The following WWC2 variants were observed in gnomAD, a reference collection of about 807,000 sequenced individuals.
WWC2 encodes protein WWC2.
In WWC2, 101 loss-of-function variants were observed where a neutral mutation model predicts 138.5. The observed-to-expected ratio is 0.73, with a 90% CI of 0.62 to 0.86. WWC2 has a LOEUF of 0.86. Ranked by LOEUF, WWC2 falls within the 40% of genes least tolerant of loss-of-function variation. WWC2 has a pLI of 0.00. For synonymous variants in WWC2, 558 were observed against 538.4 expected (o/e 1.04, Z -0.50); for missense variants, 1,420 against 1,419.4 (o/e 1.00, Z -0.01).
At chr4:183,255,879 T>C (rs1440123598) in intron 9 of WWC2, among the ~76,000 whole-genome samples, 1 of 144,342 alleles carries the variant, frequency 6.9e-6, no homozygotes, top group Non-Finnish European at 1.5e-5. Context: ...TTTTTTTCCT[T>C]TTTTTTTTTT....
At chr4:183,262,780 G>A (rs1258016057) in intron 11 of WWC2, among the ~76,000 whole-genome samples, 2 of 147,906 alleles carry the variant, frequency 1.4e-5, no homozygotes, top group South Asian at 2.1e-4. Flanking sequence ...GTGTGTGTGC[G>A]TGCGTGCGTG....
Position 183,286,014 on chromosome 4 carries a change from G to A in WWC2, c.3096G>A (p.Leu1032=). 1 of 1,595,850 alleles carries A rather than the reference G, an allele frequency of 6.3e-7. No individual in the cohort carries two copies. The highest frequency in any genetic ancestry group is 8.5e-7 in the Non-Finnish European group (1 of 1,170,120). ...SDSSTLAKKS[L]FVRNSTERRS... is the part of the protein sequence containing the mutation. ...GTTCAACCCTGGCTAAAAAATCACT[G>A]TTTGTGAGAAACTCCACCGAACGCC... The change falls in exon 20 of 23, where the codon CTG becomes CTA. Residue 1032 remains leucine (L), a synonymous_variant. Coordinates refer to ENST00000403733, the MANE Select transcript of WWC2 (RefSeq NM_024949.6).
intron 21 of WWC2, among the ~76,000 whole-genome samples, chr4:183,311,375 A>G (rs1235607777): frequency 6.6e-6 from 1 of 152,146 alleles, no homozygotes; most frequent in Non-Finnish European, 1.5e-5. Context: ...CATAATGTTG[A>G]GCAAAAGAAG....
chr4:183,139,834 A>G (rs952080947), intron 1 of WWC2, among the ~76,000 whole-genome samples: 2 of 152,118 alleles, frequency 1.3e-5, no homozygotes, highest in African/African-American at 2.4e-5. Context: ...TTAAATTGAG[A>G]CAGAGTCTCA....
chr4:183,282,680 A>G (rs1401788323), intron 17 of WWC2, 28 bp from the exon 18 acceptor site: 7 of 1,553,064 alleles, frequency 4.5e-6, no homozygotes, highest in Non-Finnish European at 4.4e-6. Flanking sequence ...CTGCCTACCA[A>G]AAGTGTTTTG....
chr4:183,103,773 G>T (rs544287491), intron 1 of WWC2, among the ~76,000 whole-genome samples: 75 of 151,042 alleles, frequency 5.0e-4, no homozygotes, highest in African/African-American at 1.8e-3. Context: ...GAGTAGCTGG[G>T]ATTACAGGCA....
In WWC2 at chr4:183,248,855, G is replaced by A. The variant is rs574720107; in HGVS notation, c.874G>A (p.Gly292Arg). 233 of 1,593,444 alleles carry A rather than the reference G, an allele frequency of 1.5e-4. 1 individual carries two copies. The South Asian group carries it at 2.1e-3, about 15-fold the overall frequency. The change falls in exon 7 of 23, where the codon GGA becomes AGA. Residue 292 changes from glycine (G) to arginine (R), a missense_variant. Coordinates refer to ENST00000403733, the MANE Select transcript of WWC2 (RefSeq NM_024949.6). Reference protein sequence around the residue: ...LDAGSQTSISGDIGVRSRSNL... With the variant: ...LDAGSQTSISRDIGVRSRSNL... ...TGCTGGGTCACAAACAAGCATTTCCGGAGATGTAAGTTATCTGTGCTGAAG... is the reference window on the plus strand; with the variant it reads ...TGCTGGGTCACAAACAAGCATTTCCAGAGATGTAAGTTATCTGTGCTGAAG...
At position 183,312,419 on chromosome 4, in the gene WWC2, C is replaced by A; in HGVS notation, c.3463C>A (p.Arg1155=). 1.2e-6 allele frequency: 2 copies of A among 1,613,742 alleles called. No individual in the cohort carries two copies. The highest frequency in any genetic ancestry group is 2.2e-5 in the South Asian group (2 of 91,024). The change falls in exon 22 of 23, where the codon CGG becomes AGG. Residue 1155 remains arginine, a synonymous_variant. Coordinates refer to ENST00000403733, the MANE Select transcript of WWC2 (RefSeq NM_024949.6). ...LMRQVSKDVC[R]LREQSQKVPR... is the part of the protein sequence containing the mutation. Reference sequence around the variant, plus strand: ...GAGGCAAGTCTCCAAGGACGTGTGTCGGCTCCGGGAGCAGAGCCAGAAGGT... The same window carrying A: ...GAGGCAAGTCTCCAAGGACGTGTGTAGGCTCCGGGAGCAGAGCCAGAAGGT...
intron 21 of WWC2, among the ~76,000 whole-genome samples, chr4:183,298,270 A>C (rs1738706094): frequency 6.6e-6 from 1 of 152,262 alleles, no homozygotes; most frequent in African/African-American, 2.4e-5. Flanking sequence ...TACTGTGAAC[A>C]TCTTGGGGAT....
At chr4:183,178,301 G>A (rs1734521797) in intron 1 of WWC2, among the ~76,000 whole-genome samples, 1 of 151,794 alleles carries the variant, frequency 6.6e-6, no homozygotes, top group South Asian at 2.1e-4. Context: ...AACTCTTCGG[G>A]ATACCAATGT....
rs1248014272 is a variant in WWC2 at position 183,320,089 on chromosome 4, CCATTT to C, written c.*4366_*4370del. 6.2e-7 allele frequency: 1 copy of C among 1,613,992 alleles called. No homozygotes were observed. Among genetic ancestry groups the C allele is most frequent in the African/African-American group, 1.3e-5 (1 of 74,900 alleles). On this transcript the variant is annotated 3_prime_UTR_variant, in exon 23 of 23. Transcript: ENST00000403733. ...TGCCAGAGTCCCATGGTCCAGTTTTCCATTTCATTTAAGTCCAGGTTGAGGTTCTT... is the reference window on the plus strand; with the variant it reads ...TGCCAGAGTCCCATGGTCCAGTTTTCCATTTAAGTCCAGGTTGAGGTTCTT...
At chr4:183,115,169 A>G (rs943862727) in intron 1 of WWC2, among the ~76,000 whole-genome samples, 3 of 152,166 alleles carry the variant, frequency 2.0e-5, no homozygotes, top group African/African-American at 7.2e-5. Context: ...ATAATGGCCT[A>G]CAGTTCCATC....
At chr4:183,306,467 A>G (rs1739025839) in intron 21 of WWC2, among the ~76,000 whole-genome samples, 1 of 152,226 alleles carries the variant, frequency 6.6e-6, no homozygotes, top group Non-Finnish European at 1.5e-5. Flanking sequence ...AGCTATATTA[A>G]TTTCAGATGG....
intron 8 of WWC2, among the ~76,000 whole-genome samples, chr4:183,252,358 G>A (rs1258062259): frequency 6.6e-6 from 1 of 152,158 alleles, no homozygotes. Flanking sequence ...TGTCGTTATG[G>A]TCGAAAGAAC....
chr4:183,187,554 A>AAAT (rs371158154), intron 1 of WWC2, among the ~76,000 whole-genome samples: 2,241 of 127,536 alleles, frequency 0.018, 32 homozygotes, highest in East Asian at 0.051. Context: ...CTCCGTCTCA[A>AAAT]AATAATAATA....
chr4:183,259,026 C>T (rs866109961), intron 9 of WWC2, among the ~76,000 whole-genome samples: 5 of 152,074 alleles, frequency 3.3e-5, no homozygotes, highest in South Asian at 2.1e-4. Flanking sequence ...TAGTCCGACG[C>T]GGATGATGAG....
intron 4 of WWC2, among the ~76,000 whole-genome samples, chr4:183,226,085 CT>C (rs111327544): frequency 0.049 from 7,041 of 144,260 alleles, 538 homozygotes; most frequent in African/African-American, 0.17. Flanking sequence ...CTTTTCTTTT[CT>C]TTTCTTTTCT....
In WWC2 at chr4:183,221,891, C is replaced by T. The variant is rs1435425695; in HGVS notation, c.522+12866C>T. ...TTTAACATACTATCTAGCAATCACA[C>T]TTACAGGTATTTACCCAATATAAAT... On this transcript the variant is annotated intron_variant, in intron 4 of 22. Transcript: ENST00000403733. 3.9e-5 allele frequency among the ~76,000 whole-genome samples: 6 copies of T among 152,116 alleles called. No individual in the cohort carries two copies. In the East Asian group the frequency reaches 1.2e-3, roughly 29 times the overall value.
chr4:183,259,567 T>G, intron 9 of WWC2, 72 bp from the exon 10 acceptor site: 12 of 1,171,434 alleles, frequency 1.0e-5, no homozygotes, highest in Non-Finnish European at 1.3e-5. Flanking sequence ...GTTTGTACAA[T>G]GAGAATCTTT....
Sources: allele counts gnomAD v4.1 joint callset (sites outside exome capture counted in the v4.1 genomes callset), GRCh38; gene constraint gnomAD v4.1.1; transcripts MANE v1.5; gene names NCBI Gene and HGNC (gene_info 2026-07-23, HGNC 2026-07-21).